CNTNAP2: variants seen among roughly 807,000 people sequenced by gnomAD.
The protein encoded by CNTNAP2 is contactin-associated protein-like 2.
Under a neutral mutation model 155.2 loss-of-function variants are expected in CNTNAP2, and 98 were observed. The observed-to-expected ratio is 0.63, with a 90% CI of 0.54 to 0.75. The LOEUF (loss-of-function observed/expected upper bound fraction) is 0.75. Ranked by LOEUF, CNTNAP2 falls within the 30% of genes least tolerant of loss-of-function variation. The probability of loss-of-function intolerance (pLI) is 0.00; values close to 1 mark genes in which losing one functional copy is unlikely to be tolerated. For missense variants in CNTNAP2, 1,727 were observed against 1,688.1 expected (o/e 1.02, Z -0.40); for synonymous variants, 651 against 631.2 (o/e 1.03, Z -0.47).
chr7:147,826,895 G>A (rs941103887), intron 13 of CNTNAP2, among the ~76,000 whole-genome samples: 19 of 151,184 alleles, frequency 1.3e-4, no homozygotes, highest in African/African-American at 4.4e-4. Flanking sequence ...ATATCATTAA[G>A]TGGATATCCC....
At chr7:148,185,056 T>C (rs1161202831) in intron 18 of CNTNAP2, among the ~76,000 whole-genome samples, 4 of 152,254 alleles carry the variant, frequency 2.6e-5, no homozygotes, top group Non-Finnish European at 2.9e-5. Context: ...TCTATCTGTG[T>C]TGTTAGTGTT....
intron 13 of CNTNAP2, among the ~76,000 whole-genome samples, chr7:147,799,747 G>C (rs923064244): frequency 1.3e-5 from 2 of 152,160 alleles, no homozygotes; most frequent in African/African-American, 4.8e-5. Flanking sequence ...GAAGCTATGG[G>C]TAAACCTCTA....
At chr7:147,256,798 C>T (rs1424175504) in intron 8 of CNTNAP2, among the ~76,000 whole-genome samples, 1 of 151,640 alleles carries the variant, frequency 6.6e-6, no homozygotes, top group Non-Finnish European at 1.5e-5. Flanking sequence ...GTGTCATCTG[C>T]GTAATTCAAA....
chr7:147,639,103 C>T lies in CNTNAP2; in HGVS notation c.1898-3C>T, dbSNP rs755324176. The T allele has an allele frequency of 5.6e-6, 9 of 1,613,906 alleles. No individual in the cohort carries two copies. In the South Asian group the frequency reaches 8.8e-5, roughly 16 times the overall value. On this transcript the variant is annotated splice_region_variant and splice_polypyrimidine_tract_variant and intron_variant, in intron 12 of 23. Coordinates refer to ENST00000361727, the MANE Select transcript of CNTNAP2 (RefSeq NM_014141.6). ...AGGGTCCTGGTTGTTTTTCTCCCCACAGAGGACAAAGTGTGGACCATAGTG... is the reference window on the plus strand; with the variant it reads ...AGGGTCCTGGTTGTTTTTCTCCCCATAGAGGACAAAGTGTGGACCATAGTG...
chr7:146,519,868 G>A (rs1797592991), intron 1 of CNTNAP2, among the ~76,000 whole-genome samples: 1 of 151,714 alleles, frequency 6.6e-6, no homozygotes, highest in African/African-American at 2.4e-5. Flanking sequence ...AGCAGTACAT[G>A]TCTTCATTAA....
chr7:146,948,663 G>A (rs1797242850), intron 3 of CNTNAP2, among the ~76,000 whole-genome samples: 1 of 152,128 alleles, frequency 6.6e-6, no homozygotes, highest in Non-Finnish European at 1.5e-5. Context: ...GTATATAATT[G>A]TGTATGATAC....
chr7:147,662,621 C>T (rs1795629980), intron 13 of CNTNAP2, among the ~76,000 whole-genome samples: 2 of 152,162 alleles, frequency 1.3e-5, no homozygotes, highest in African/African-American at 4.8e-5. Context: ...ATGAACACTT[C>T]TTACCTTAAG....
intron 1 of CNTNAP2, among the ~76,000 whole-genome samples, chr7:146,709,130 A>G (rs913255919): frequency 2.6e-5 from 4 of 152,188 alleles, no homozygotes; most frequent in Non-Finnish European, 1.5e-5. Flanking sequence ...AGGCAGCATT[A>G]TGTGGATTAA....
intron 3 of CNTNAP2, among the ~76,000 whole-genome samples, chr7:146,943,436 G>A (rs1314510456): frequency 1.3e-5 from 2 of 152,174 alleles, no homozygotes; most frequent in African/African-American, 4.8e-5. Flanking sequence ...AGGTTGCAGT[G>A]AGCTGAGATC....
intron 8 of CNTNAP2, among the ~76,000 whole-genome samples, chr7:147,180,179 A>G (rs1254256272): frequency 6.6e-6 from 1 of 152,194 alleles, no homozygotes; most frequent in African/African-American, 2.4e-5. Context: ...ATTTCCTTGA[A>G]GAAATCATCT....
At chr7:148,119,700 C>T (rs935493906) in intron 16 of CNTNAP2, among the ~76,000 whole-genome samples, 1 of 152,136 alleles carries the variant, frequency 6.6e-6, no homozygotes, top group Admixed American at 6.6e-5. Flanking sequence ...AGGTAAATTG[C>T]TCAATCTCTT....
rs1265431500 is a variant in CNTNAP2 at position 146,483,324 on chromosome 7, T to TATATAC, written c.98-290941_98-290936dup. Among the ~76,000 whole-genome samples the TATATAC allele has an allele frequency of 1.8e-4, 15 of 83,786 alleles. 1 individual carries two copies. The highest frequency in any genetic ancestry group is 1.7e-3 in the East Asian group (6 of 3,540). 55.0% of individuals were successfully genotyped at this position (83,786 alleles called of 152,430 possible). A position where few individuals can be genotyped will look rare whatever the true frequency, so the allele number is the denominator to read the frequency against. ...ATATATATATATATATATATATATA[T>TATATAC]ATATACATATATATATATTTAAGCA... On this transcript the variant is annotated intron_variant, in intron 1 of 23. Transcript: ENST00000361727.
At chr7:147,256,533 C>T (rs142061454) in intron 8 of CNTNAP2, among the ~76,000 whole-genome samples, 2 of 152,188 alleles carry the variant, frequency 1.3e-5, no homozygotes, top group Non-Finnish European at 2.9e-5. Context: ...AGAAAGCAGG[C>T]TTGAGTCAAG....
intron 4 of CNTNAP2, among the ~76,000 whole-genome samples, chr7:147,100,477 A>C (rs961502814): frequency 6.6e-6 from 1 of 152,226 alleles, no homozygotes; most frequent in African/African-American, 2.4e-5. Context: ...GGAATATGCA[A>C]GTTCCTCATT....
At position 146,189,282 on chromosome 7, in the gene CNTNAP2, A is replaced by G. The variant is rs557364195; in HGVS notation, c.97+72309A>G. Among the ~76,000 whole-genome samples the G allele has an allele frequency of 9.2e-5, 14 of 152,310 alleles. No individual in the cohort carries two copies. In the South Asian group the frequency reaches 1.7e-3, roughly 18 times the overall value. On this transcript the variant is annotated intron_variant, in intron 1 of 23. Transcript: ENST00000361727. ...TTGGCCACATGATAATATGCCTTACATTGTGTACATAGTTAATGCTCAATT... is the reference window on the plus strand; with the variant it reads ...TTGGCCACATGATAATATGCCTTACGTTGTGTACATAGTTAATGCTCAATT...
chr7:148,208,359 G>T (rs1795489009), intron 18 of CNTNAP2, among the ~76,000 whole-genome samples: 1 of 152,176 alleles, frequency 6.6e-6, no homozygotes, highest in African/African-American at 2.4e-5. Context: ...GGTTTCCCAT[G>T]AAAGAACAAG....
At chr7:147,393,747 T>A (rs977950598) in intron 9 of CNTNAP2, among the ~76,000 whole-genome samples, 1 of 151,880 alleles carries the variant, frequency 6.6e-6, no homozygotes, top group African/African-American at 2.4e-5. Context: ...ACACGAGCCA[T>A]ATATTAACAT....
At chr7:147,233,442 C>G (rs1410445801) in intron 8 of CNTNAP2, among the ~76,000 whole-genome samples, 1 of 152,032 alleles carries the variant, frequency 6.6e-6, no homozygotes, top group Non-Finnish European at 1.5e-5. Flanking sequence ...TATAACATAA[C>G]CCTAATAAAA....
chr7:147,574,680 A>G (rs1800354971), intron 12 of CNTNAP2, among the ~76,000 whole-genome samples: 2 of 152,062 alleles, frequency 1.3e-5, no homozygotes, highest in Non-Finnish European at 2.9e-5. Flanking sequence ...CAATCTTGGA[A>G]CCATTTGGGG....
Sources: gnomAD v4.1 joint callset for allele counts (sites outside exome capture counted in the v4.1 genomes callset) on GRCh38, gnomAD v4.1.1 for gene constraint, MANE v1.5 for transcripts, NCBI Gene and HGNC (gene_info 2026-07-23, HGNC 2026-07-21) for gene names.